LINGO2: variants seen among roughly 807,000 people sequenced by gnomAD.
LINGO2 encodes leucine rich repeat and Ig domain containing 2.
A neutral mutation model predicts 30.6 loss-of-function variants in LINGO2; 14 were observed. That is an observed-to-expected ratio of 0.46 (90% CI 0.30 to 0.72). LINGO2 has a LOEUF of 0.72. Ranked by LOEUF, LINGO2 falls within the 30% of genes least tolerant of loss-of-function variation. The probability of loss-of-function intolerance (pLI) is 0.07; values close to 1 mark genes in which losing one functional copy is unlikely to be tolerated. For synonymous variants in LINGO2, 317 were observed against 288.5 expected, an observed-to-expected ratio of 1.10 and a Z score of -1.00; for missense variants, 729 against 751.7, an observed-to-expected ratio of 0.97 and a Z score of 0.35.
chr9:28,453,847 T>G lies in LINGO2; in HGVS notation c.-279+22093A>C, dbSNP rs548887680. On this transcript the variant is annotated intron_variant, in intron 2 of 5. Transcript: ENST00000379992. ...CTCAGTGTCAGTGTCTTTAGAGTTG[T>G]TTTTCTGATTAGTGGTTTAAAAAAA... Among the ~76,000 whole-genome samples, 1,257 of 151,966 alleles carry G rather than the reference T, an allele frequency of 8.3e-3. 19 individuals carry two copies. The highest frequency in any genetic ancestry group is 0.027 in the African/African-American group (1,125 of 41,418).
intron 1 of LINGO2, among the ~76,000 whole-genome samples, chr9:28,595,845 C>T (rs142061687): frequency 3.0e-4 from 45 of 152,112 alleles, no homozygotes; most frequent in African/African-American, 9.9e-4. Flanking sequence ...TTCTGGCAAC[C>T]AGATAATAAT....
At chr9:28,818,272 T>G in the LINGO2 span, among the ~76,000 whole-genome samples, 1 of 152,228 alleles carries the variant, frequency 6.6e-6, no homozygotes, top group South Asian at 2.1e-4. Context: ...ATTTCTAAAG[T>G]ACGGGTCCTA....
At chr9:28,500,975 T>A (rs1210756925) in intron 1 of LINGO2, among the ~76,000 whole-genome samples, 2 of 152,128 alleles carry the variant, frequency 1.3e-5, no homozygotes, top group Non-Finnish European at 2.9e-5. Context: ...AAAACCCTGA[T>A]CTCATACACA....
intron 1 of LINGO2, among the ~76,000 whole-genome samples, chr9:28,657,306 A>T (rs1828390241): frequency 1.3e-5 from 2 of 152,174 alleles, no homozygotes; most frequent in South Asian, 4.1e-4. Flanking sequence ...TTTTCTTTTT[A>T]ATTTGAAAAG....
At chr9:28,712,288 C>A in the LINGO2 span, among the ~76,000 whole-genome samples, 1 of 152,002 alleles carries the variant, frequency 6.6e-6, no homozygotes, top group Admixed American at 6.6e-5. Flanking sequence ...GCATTGCACC[C>A]ACTTGAATGA....
Position 28,181,936 on chromosome 9 carries a change from A to G in LINGO2, c.-87+113272T>C, listed in dbSNP as rs947618332. Among the ~76,000 whole-genome samples, 10 of 152,284 alleles carry G rather than the reference A, an allele frequency of 6.6e-5. No individual in the cohort carries two copies. In the South Asian group the frequency reaches 2.1e-3, roughly 32 times the overall value. Reference sequence around the variant, plus strand: ...CTATTTCCATGAAACTACCATTGACATTCTTCACAGAATTAGAAACAAACT... The same window carrying G: ...CTATTTCCATGAAACTACCATTGACGTTCTTCACAGAATTAGAAACAAACT... On this transcript the variant is annotated intron_variant, in intron 4 of 5. Coordinates refer to ENST00000379992, the Ensembl canonical transcript of LINGO2.
intron 4 of LINGO2, among the ~76,000 whole-genome samples, chr9:28,018,813 C>A (rs991413239): frequency 5.3e-5 from 8 of 152,228 alleles, no homozygotes; most frequent in African/African-American, 1.4e-4. Flanking sequence ...ACAGAATTAC[C>A]ATTTGACCCA....
chr9:29,151,143 G>A, the LINGO2 span, among the ~76,000 whole-genome samples: 1 of 151,680 alleles, frequency 6.6e-6, no homozygotes, highest in African/African-American at 2.4e-5. Context: ...TTTCAACCAA[G>A]AATTTCATAT....
the LINGO2 span, among the ~76,000 whole-genome samples, chr9:29,099,308 G>A: frequency 6.6e-6 from 1 of 152,166 alleles, no homozygotes. Context: ...AAACTATCCA[G>A]GATGCTGGAC....
rs117264789 is a variant in LINGO2, at chr9:28,388,463, G to A, written c.-278-15595C>T. Among the ~76,000 whole-genome samples, 169 of 152,194 alleles carry A rather than the reference G, an allele frequency of 1.1e-3. 3 individuals carry two copies. The East Asian group carries it at 0.031, about 28-fold the overall frequency. On this transcript the variant is annotated intron_variant, in intron 2 of 5. Transcript: ENST00000379992. ...TAAGAATAGAATTGCTAAGTCATAGGGCATGCATATGTTCAATTTTACTGT... is the reference window on the plus strand; with the variant it reads ...TAAGAATAGAATTGCTAAGTCATAGAGCATGCATATGTTCAATTTTACTGT...
At chr9:28,353,553 T>C (rs1820010181) in intron 3 of LINGO2, among the ~76,000 whole-genome samples, 2 of 150,886 alleles carry the variant, frequency 1.3e-5, no homozygotes, top group African/African-American at 2.4e-5. Context: ...ACACTGTTGG[T>C]GGGACTGTAA....
intron 4 of LINGO2, among the ~76,000 whole-genome samples, chr9:28,208,033 T>C (rs1171175683): frequency 1.3e-5 from 2 of 152,118 alleles, no homozygotes; most frequent in Admixed American, 1.3e-4. Flanking sequence ...ATGCCCATCT[T>C]AGAGTATAGC....
intron 4 of LINGO2, among the ~76,000 whole-genome samples, chr9:28,074,929 A>G (rs1825580804): frequency 6.6e-6 from 1 of 151,376 alleles, no homozygotes; most frequent in South Asian, 2.1e-4. Flanking sequence ...TTTAATTTTT[A>G]CTTTTGTATT....
intron 4 of LINGO2, among the ~76,000 whole-genome samples, chr9:28,088,344 A>C (rs1825974457): frequency 6.6e-6 from 1 of 152,006 alleles, no homozygotes; most frequent in Admixed American, 6.6e-5. Flanking sequence ...TAGTATATAC[A>C]TTTGGACCAT....
the LINGO2 span, among the ~76,000 whole-genome samples, chr9:29,042,536 C>T: frequency 6.6e-6 from 1 of 151,882 alleles, no homozygotes; most frequent in East Asian, 1.9e-4. Context: ...ATACAAGAAA[C>T]ACAATTTTTT....
At chr9:28,529,350 T>C (rs1821143965) in intron 1 of LINGO2, among the ~76,000 whole-genome samples, 2 of 152,178 alleles carry the variant, frequency 1.3e-5, no homozygotes, top group Admixed American at 1.3e-4. Flanking sequence ...CTCAGTCACC[T>C]ATGATTAAAT....
intron 4 of LINGO2, among the ~76,000 whole-genome samples, chr9:28,021,971 G>T (rs182203160): frequency 6.6e-6 from 1 of 151,866 alleles, no homozygotes; most frequent in South Asian, 2.1e-4. Context: ...AATATTTAAA[G>T]TAATATTGAT....
chr9:28,744,108 A>ATTT, the LINGO2 span, among the ~76,000 whole-genome samples: 7 of 136,774 alleles, frequency 5.1e-5, no homozygotes, highest in Non-Finnish European at 7.8e-5. Context: ...ATATATATAT[A>ATTT]TTTTTTTTCT....
chr9:28,410,609 C>T (rs1293285547), intron 2 of LINGO2, among the ~76,000 whole-genome samples: 4 of 152,044 alleles, frequency 2.6e-5, no homozygotes, highest in African/African-American at 4.8e-5. Context: ...TTCGTGACTG[C>T]CAGTGGCTCG....
Sources: gnomAD v4.1 joint callset for allele counts (sites outside exome capture counted in the v4.1 genomes callset) on GRCh38, gnomAD v4.1.1 for gene constraint, MANE v1.5 for transcripts, NCBI Gene and HGNC (gene_info 2026-07-23, HGNC 2026-07-21) for gene names.